Variants in CFHR4 observed in about 807,000 individuals in gnomAD.
CFHR4 encodes complement factor H related 4.
CFHR4 carries 64 observed loss-of-function variants against 69.3 expected under a neutral mutation model. The ratio of observed to expected loss-of-function variants is 0.92; its 90% confidence interval spans 0.76 to 1.14. CFHR4 has a LOEUF of 1.14. CFHR4 is among the 50% of genes most tolerant of loss of function. The probability of loss-of-function intolerance (pLI) is 0.00; values close to 1 mark genes in which losing one functional copy is unlikely to be tolerated. For synonymous variants in CFHR4, 244 were observed against 237.0 expected, an observed-to-expected ratio of 1.03 and a Z score of -0.27; for missense variants, 636 against 684.9, an observed-to-expected ratio of 0.93 and a Z score of 0.80.
At chr1:196,897,998 A>G (rs1657403094) in intron 1 of CFHR4, among the ~76,000 whole-genome samples, 2 of 151,488 alleles carry the variant, frequency 1.3e-5, no homozygotes, top group African/African-American at 2.4e-5. Flanking sequence ...TGTGGAATAC[A>G]TGGATGGTTA....
At chr1:196,892,246 A>C (rs1657079313) in intron 1 of CFHR4, among the ~76,000 whole-genome samples, 1 of 151,676 alleles carries the variant, frequency 6.6e-6, no homozygotes, top group African/African-American at 2.4e-5. Flanking sequence ...TTTTAAGTGG[A>C]GCAATAAAAT....
rs772036300 is a variant in CFHR4 at position 196,918,280 on chromosome 1, ATAT to A, written c.1615_1617del (p.Tyr539del). 1 of 1,609,154 alleles carries A rather than the reference ATAT, an allele frequency of 6.2e-7. No homozygotes were observed. Among genetic ancestry groups the A allele is most frequent in the Admixed American group, 1.7e-5 (1 of 59,882 alleles). On this transcript the variant is annotated inframe_deletion, in exon 10 of 10. Transcript: ENST00000608469. ...AGTTAAAAGGAAAAAGTGACATAAA[ATAT>A]TATGCAAAAACAGGGGATACCATTG...
chr1:196,914,822 A>C (rs1338872144), intron 8 of CFHR4, 134 bp from the exon 9 acceptor site: 14 of 1,506,634 alleles, frequency 9.3e-6, no homozygotes, highest in East Asian at 7.2e-5. Context: ...AAAAAAAAAA[A>C]AACAACGTTG....
chr1:196,895,114 T>C (rs1044470598), intron 1 of CFHR4, among the ~76,000 whole-genome samples: 1 of 151,146 alleles, frequency 6.6e-6, no homozygotes, highest in Non-Finnish European at 1.5e-5. Flanking sequence ...ATGCCTGTAG[T>C]CCTTACAATT....
In CFHR4 at chr1:196,917,991, C is replaced by T. The variant is rs192862832; in HGVS notation, c.1541-219C>T. 3.3e-5 allele frequency among the ~76,000 whole-genome samples: 5 copies of T among 151,568 alleles called. 1 individual carries two copies. The highest frequency in any genetic ancestry group is 1.2e-4 in the African/African-American group (5 of 41,034). Reference sequence around the variant, plus strand: ...AAAGACTGCCAGGGTTCACGTTTATCACCTCACCTGATGATCTCTGCTGTG... The same window carrying T: ...AAAGACTGCCAGGGTTCACGTTTATTACCTCACCTGATGATCTCTGCTGTG... On this transcript the variant is annotated intron_variant, in intron 9 of 9. Transcript: ENST00000608469.
At chr1:196,900,482 A>C (rs1353712364) in intron 1 of CFHR4, among the ~76,000 whole-genome samples, 1 of 151,334 alleles carries the variant, frequency 6.6e-6, no homozygotes, top group Non-Finnish European at 1.5e-5. Context: ...TTTTGAAAAG[A>C]AATCTCAGCA....
intron 9 of CFHR4, among the ~76,000 whole-genome samples, chr1:196,915,493 G>A (rs1166982271): frequency 6.6e-6 from 1 of 151,290 alleles, no homozygotes; most frequent in East Asian, 1.9e-4. Flanking sequence ...AAATTAGCCA[G>A]GCATGCTGGC....
At chr1:196,901,646 T>TTCCAAA (rs1339124804) in intron 1 of CFHR4, among the ~76,000 whole-genome samples, 1 of 151,242 alleles carries the variant, frequency 6.6e-6, no homozygotes, top group African/African-American at 2.4e-5. Context: ...AAATGGAAAC[T>TTCCAAA]TTTTTTGGAA....
chr1:196,911,261 T>G (rs1258343698), intron 6 of CFHR4, among the ~76,000 whole-genome samples: 2 of 151,584 alleles, frequency 1.3e-5, no homozygotes, highest in Non-Finnish European at 2.9e-5. Context: ...AATTTCTGGA[T>G]AATGAGTGGA....
At position 196,912,740 on chromosome 1, in the gene CFHR4, G is replaced by A. The variant is rs756748081; in HGVS notation, c.998G>A (p.Arg333Lys). ...DGWLPTVPCL[R>K]TCSKSDIEIE... ...TTTTTCTCTACTTTTTCTATTTTAG[G>A]AACATGCTCAAAATCAGATATAGAA... is the stretch of plus-strand genomic sequence containing the variant. Residue 333 changes from arginine (R) to lysine (K), a missense_variant and splice_region_variant, in exon 7 of 10, where the codon AGA becomes AAA. By Grantham distance (26) the Arg-to-Lys change is conservative (BLOSUM62 2). Transcript: ENST00000608469. 28 of 1,582,060 alleles carry A rather than the reference G, an allele frequency of 1.8e-5. No individual in the cohort carries two copies. The highest frequency in any genetic ancestry group is 2.4e-5 in the Non-Finnish European group (28 of 1,165,466).
At chr1:196,907,548 T>C in intron 5 of CFHR4, 50 bp downstream of exon 5, 1 of 1,488,134 alleles carries the variant, frequency 6.7e-7, no homozygotes, top group Non-Finnish European at 9.3e-7. Flanking sequence ...ATAACTTTGA[T>C]CCTTGTTTAT....
rs1009570142 is a variant in CFHR4, at chr1:196,902,734, G to C, written c.256+119G>C. 8.8e-5 allele frequency: 62 copies of C among 708,544 alleles called. 1 individual carries two copies. The highest frequency in any genetic ancestry group is 1.2e-4 in the Non-Finnish European group (54 of 436,678). 43.9% of individuals were successfully genotyped at this position (708,544 alleles called of 1,614,324 possible). The stretch of plus-strand genomic sequence containing the variant: ...TAGGACCAAAGGAAGAGTTGTTCAA[G>C]CAAAAAGACCAAAATGGATCTTTTT... On this transcript the variant is annotated intron_variant, in intron 2 of 9. Transcript: ENST00000608469.
At chr1:196,900,942 A>G (rs1315474587) in intron 1 of CFHR4, among the ~76,000 whole-genome samples, 1 of 151,538 alleles carries the variant, frequency 6.6e-6, no homozygotes, top group Non-Finnish European at 1.5e-5. Context: ...TGTTAAAGAC[A>G]TTTACAACAT....
intron 9 of CFHR4, 112 bp from the exon 10 acceptor site, chr1:196,918,098 A>C: frequency 2.6e-6 from 3 of 1,144,246 alleles, no homozygotes; most frequent in South Asian, 1.6e-5. Flanking sequence ...ACTATTAACT[A>C]TTTGGATTAT....
At chr1:196,892,464 C>T (rs1657091396) in intron 1 of CFHR4, among the ~76,000 whole-genome samples, 1 of 151,116 alleles carries the variant, frequency 6.6e-6, no homozygotes, top group South Asian at 2.1e-4. Flanking sequence ...AAAGGGAACA[C>T]CACAAATGCA....
intron 1 of CFHR4, 57 bp downstream of exon 1, chr1:196,888,265 T>C: frequency 2.0e-6 from 3 of 1,535,698 alleles, no homozygotes; most frequent in Non-Finnish European, 2.7e-6. Context: ...CTTCGTGTAA[T>C]ATCTAACTTC....
At chr1:196,909,836 T>C (rs1443252964) in intron 5 of CFHR4, among the ~76,000 whole-genome samples, 1 of 150,740 alleles carries the variant, frequency 6.6e-6, no homozygotes, top group African/African-American at 2.5e-5. Flanking sequence ...TAAAAAATAA[T>C]TATAAAATTT....
intron 9 of CFHR4, among the ~76,000 whole-genome samples, chr1:196,917,977 G>A (rs568454391): frequency 2.0e-5 from 3 of 151,576 alleles, no homozygotes; most frequent in Non-Finnish European, 4.4e-5. Flanking sequence ...AAGACTGCCA[G>A]GGTTCACGTT....
At position 196,918,322 on chromosome 1, in the gene CFHR4, A is replaced by G. The variant is rs1456305420; in HGVS notation, c.1653A>G (p.Lys551=). ...GGGATACCATTGAATTTATGTGTAA[A>G]TTGGGATATAATGCGAATACATCAG... The part of the protein sequence containing the change: ...KTGDTIEFMC[K]LGYNANTSVL... The change falls in exon 10 of 10, where the codon AAA becomes AAG. Residue 551 remains lysine, a synonymous_variant. Coordinates refer to ENST00000608469, the MANE Select transcript of CFHR4 (RefSeq NM_001201550.3). The G allele has an allele frequency of 1.9e-6, 3 of 1,611,726 alleles. No homozygotes were observed. In the East Asian group the frequency reaches 6.7e-5, roughly 36 times the overall value.
Sources: gnomAD v4.1 joint callset for allele counts (sites outside exome capture counted in the v4.1 genomes callset) on GRCh38, gnomAD v4.1.1 for gene constraint, MANE v1.5 for transcripts, NCBI Gene and HGNC (gene_info 2026-07-23, HGNC 2026-07-21) for gene names.